The following SLC6A20 variants were observed in gnomAD, a reference collection of about 807,000 sequenced individuals.
SLC6A20 encodes the protein solute carrier family 6 member 20.
A neutral mutation model predicts 64.3 loss-of-function variants in SLC6A20; 73 were observed. The observed-to-expected ratio is 1.14, with a 90% confidence interval of 0.94 to 1.38. SLC6A20 has a LOEUF of 1.38. SLC6A20 is among the 40% of genes most tolerant of loss of function. The pLI is 0.00. For synonymous variants in SLC6A20, 347 were observed against 329.6 expected, an observed-to-expected ratio of 1.05 and a Z score of -0.57; for missense variants, 725 against 772.8, an observed-to-expected ratio of 0.94 and a Z score of 0.73.
intron 1 of SLC6A20, among the ~76,000 whole-genome samples, chr3:45,790,773 G>A (rs900612059): frequency 6.6e-6 from 1 of 152,176 alleles, no homozygotes; most frequent in Non-Finnish European, 1.5e-5. Flanking sequence ...TGCTGTCAGA[G>A]CTAAGCTCCA....
At chr3:45,784,464 T>C (rs1405331520) in intron 1 of SLC6A20, among the ~76,000 whole-genome samples, 1 of 152,164 alleles carries the variant, frequency 6.6e-6, no homozygotes, top group Non-Finnish European at 1.5e-5. Context: ...TTAAATACAA[T>C]GTTAAAAGCA....
At chr3:45,760,108 G>A in intron 9 of SLC6A20, 86 bp from the exon 10 acceptor site, 1 of 1,441,258 alleles carries the variant, frequency 6.9e-7, no homozygotes, top group Non-Finnish European at 9.4e-7. Flanking sequence ...ATTCACAAAG[G>A]AACATTCTGT....
Position 45,760,172 on chromosome 3 carries a change from T to A in SLC6A20, c.1464-150A>T, listed in dbSNP as rs1699645049. 4.7e-6 allele frequency: 4 copies of A among 854,602 alleles called. No individual in the cohort carries two copies. The East Asian group carries it at 1.0e-4, about 22-fold the overall frequency. The allele number at this position is 854,602 out of a possible 1,614,324, so 52.9% of individuals were successfully genotyped here. A position where few individuals can be genotyped will look rare whatever the true frequency, so the allele number is the denominator to read the frequency against. Reference sequence around the variant, plus strand: ...GCCACTGGGCTCCTCTGTGACACCTTCTTGAGAGACGAGTGCTGCGGTGGG... The same window carrying A: ...GCCACTGGGCTCCTCTGTGACACCTACTTGAGAGACGAGTGCTGCGGTGGG... On this transcript the variant is annotated intron_variant, in intron 9 of 10. Coordinates refer to ENST00000358525, the MANE Select transcript of SLC6A20 (RefSeq NM_020208.4).
intron 4 of SLC6A20, among the ~76,000 whole-genome samples, chr3:45,772,832 C>T (rs558125121): frequency 9.2e-5 from 14 of 152,174 alleles, no homozygotes; most frequent in African/African-American, 2.9e-4. Context: ...GTGACCAGCA[C>T]GACATTTCTT....
chr3:45,765,621 T>C lies in SLC6A20; in HGVS notation c.1219A>G (p.Met407Val). ...AGGATGGCCGCTGTGTTCCCCAGCA[T>C]GCTCCCAATGCCCAGCATCAGCAGC... is the stretch of plus-strand genomic sequence containing the variant. ...FMLLMLGIGS[M>V]LGNTAAILTP... Residue 407 changes from methionine (M) to valine (V), a missense_variant, in exon 8 of 11, where the codon ATG becomes GTG. Met to Val is a conservative substitution (Grantham distance 21, BLOSUM62 1). Transcript: ENST00000358525. This position sits in a 1 kb window ranked among gnomAD's most constrained non-coding sequence, Gnocchi z 4.2. 6.2e-7 allele frequency: 1 copy of C among 1,614,158 alleles called. No individual in the cohort carries two copies. Among genetic ancestry groups the C allele is most frequent in the Non-Finnish European group, 8.5e-7 (1 of 1,180,016 alleles).
chr3:45,772,472 G>A, intron 5 of SLC6A20, 33 bp downstream of exon 5: 1 of 1,574,522 alleles, frequency 6.4e-7, no homozygotes, highest in Non-Finnish European at 8.7e-7. Context: ...TAAGTGAGGG[G>A]TGCCCGTAGG....
At chr3:45,770,858 A>T (rs1218421938) in intron 6 of SLC6A20, among the ~76,000 whole-genome samples, 1 of 152,194 alleles carries the variant, frequency 6.6e-6, no homozygotes, top group African/African-American at 2.4e-5. Flanking sequence ...CTCCTGGATG[A>T]TGTCTTTGTA....
At position 45,760,035 on chromosome 3, in the gene SLC6A20, C is replaced by G. The variant is rs1575422692; in HGVS notation, c.1464-13G>C. 1 of 1,603,404 alleles carries G rather than the reference C, an allele frequency of 6.2e-7. No homozygotes were observed. Among genetic ancestry groups the G allele is most frequent in the Middle Eastern group, 1.7e-4 (1 of 5,998 alleles). ...GTCACTTTCAAATCTATTTGGAAAA[C>G]AGGGAGAGAAAGTCTGGATTAACCA... On this transcript the variant is annotated splice_polypyrimidine_tract_variant and intron_variant, in intron 9 of 10. Coordinates refer to ENST00000358525, the MANE Select transcript of SLC6A20 (RefSeq NM_020208.4).
intron 4 of SLC6A20, among the ~76,000 whole-genome samples, chr3:45,773,904 A>G (rs1180657480): frequency 6.6e-6 from 1 of 152,246 alleles, no homozygotes; most frequent in African/African-American, 2.4e-5. Flanking sequence ...AGATGAAAAG[A>G]CAGAGCACTC....
At chr3:45,764,370 C>T (rs938225097) in intron 8 of SLC6A20, among the ~76,000 whole-genome samples, 1 of 152,160 alleles carries the variant, frequency 6.6e-6, no homozygotes, top group Non-Finnish European at 1.5e-5. Context: ...AGACAATAGA[C>T]GTAGAGTGTG....
At chr3:45,759,258 G>A in intron 10 of SLC6A20, 131 bp from the exon 11 acceptor site, 1 of 895,238 alleles carries the variant, frequency 1.1e-6, no homozygotes. Context: ...CTCACTCCTG[G>A]GGCCACGGGC....
In SLC6A20 at chr3:45,782,227, T is replaced by A. The variant is rs757440663; in HGVS notation, c.122-4A>T. 7 of 1,611,214 alleles carry A rather than the reference T, an allele frequency of 4.3e-6. 1 individual carries two copies. The highest frequency in any genetic ancestry group is 1.1e-5 in the South Asian group (1 of 90,676). On this transcript the variant is annotated splice_polypyrimidine_tract_variant and splice_region_variant and intron_variant, in intron 1 of 10. Coordinates refer to ENST00000358525, the MANE Select transcript of SLC6A20 (RefSeq NM_020208.4). ...ATGTAGGGGACCAGGAAACTACCTG[T>A]GGATGTCCAGAGCTGAGAGCCAGGC...
chr3:45,769,957 G>C (rs1699832522), intron 7 of SLC6A20, among the ~76,000 whole-genome samples: 1 of 152,126 alleles, frequency 6.6e-6, no homozygotes, highest in Non-Finnish European at 1.5e-5. Context: ...TATTTTAAAA[G>C]CTTAGAAAGA....
chr3:45,758,745 T>C lies in SLC6A20; in HGVS notation c.*233A>G. The C allele has an allele frequency of 7.7e-7, 1 of 1,301,652 alleles. No homozygotes were observed. Among genetic ancestry groups the C allele is most frequent in the Non-Finnish European group, 9.7e-7 (1 of 1,026,314 alleles). The allele number at this position is 1,301,652 out of a possible 1,614,324, so 80.6% of individuals were successfully genotyped here. A position where few individuals can be genotyped will look rare whatever the true frequency, so the allele number is the denominator to read the frequency against. On this transcript the variant is annotated 3_prime_UTR_variant, in exon 11 of 11. Transcript: ENST00000358525. ...CAGTTATCTTTGAGACCGGCTTTCA[T>C]AGCCCACCCCCTTCCATGATGAGGA...
intron 4 of SLC6A20, 44 bp from the exon 5 acceptor site, chr3:45,772,659 G>C (rs1312420598): frequency 2.0e-5 from 31 of 1,523,182 alleles, no homozygotes; most frequent in Non-Finnish European, 2.8e-5. Flanking sequence ...GAGCAGTGGG[G>C]TCCACAGGAC....
At chr3:45,763,361 G>A (rs745428424) in intron 8 of SLC6A20, among the ~76,000 whole-genome samples, 9 of 152,210 alleles carry the variant, frequency 5.9e-5, no homozygotes, top group African/African-American at 1.7e-4. Flanking sequence ...ACAAGCAGAC[G>A]TAGTGGGCAC....
chr3:45,778,503 T>C (rs921665884), intron 3 of SLC6A20, among the ~76,000 whole-genome samples: 1 of 152,244 alleles, frequency 6.6e-6, no homozygotes, highest in African/African-American at 2.4e-5. Context: ...TTTTCATGAA[T>C]CGCTGGCCCC....
chr3:45,775,981 A>G lies in SLC6A20; in HGVS notation c.362T>C (p.Leu121Pro), dbSNP rs764305110. ...ATTCAGTGGGCAGACAGACCACGGC[A>G]GGGGATCCTGTGGGACCAAAGCAAG... ...WYLFHSFQDP[L>P]PWSVCPLNGN... is the part of the protein sequence containing the mutation. Residue 121 changes from leucine to proline, a missense_variant, in exon 4 of 11, where the codon CTG becomes CCG. By Grantham distance (98) the Leu-to-Pro change is moderately conservative. Coordinates refer to ENST00000358525, the MANE Select transcript of SLC6A20 (RefSeq NM_020208.4). 1.9e-6 allele frequency: 3 copies of G among 1,614,124 alleles called. No homozygotes were observed. The highest frequency in any genetic ancestry group is 1.7e-6 in the Non-Finnish European group (2 of 1,179,970).
chr3:45,762,847 C>T, intron 9 of SLC6A20, 66 bp downstream of exon 9: 1 of 1,585,546 alleles, frequency 6.3e-7, no homozygotes, highest in African/African-American at 1.3e-5. Context: ...CAGCTGTTTT[C>T]CTTGAGGGGC....
Sources: gnomAD v4.1 joint callset for allele counts (sites outside exome capture counted in the v4.1 genomes callset) on GRCh38, gnomAD v4.1.1 for gene constraint, Gnocchi (gnomAD v3.1) non-coding constraint, MANE v1.5 for transcripts, NCBI Gene and HGNC (gene_info 2026-07-23, HGNC 2026-07-21) for gene names.